The following MOK variants were observed in gnomAD, a reference collection of about 807,000 sequenced individuals.
MOK encodes MOK protein kinase.
In MOK, 59 loss-of-function variants were observed where a neutral mutation model predicts 54.2. The observed-to-expected ratio is 1.09, with a 90% confidence interval of 0.88 to 1.35. The LOEUF is 1.35. Among genes scored for constraint, MOK ranks in the 40% most tolerant of loss-of-function variants. The pLI is 0.00. For missense variants in MOK, 517 were observed against 526.2 expected (o/e 0.98, Z 0.17); for synonymous variants, 210 against 202.7 (o/e 1.04, Z -0.31).
chr14:102,273,836 G>A (rs990641680), intron 2 of MOK, among the ~76,000 whole-genome samples: 1 of 152,104 alleles, frequency 6.6e-6, no homozygotes, highest in Non-Finnish European at 1.5e-5. Context: ...TGAAATAAAT[G>A]GAGAGACGGT....
chr14:102,219,593 G>A (rs1043036087), downstream of MOK, among the ~76,000 whole-genome samples: 3 of 152,226 alleles, frequency 2.0e-5, no homozygotes, highest in Non-Finnish European at 2.9e-5. Flanking sequence ...AGAGACCACC[G>A]TTTTCCCCTT....
At chr14:102,215,202 G>A in the MOK span, among the ~76,000 whole-genome samples, 11,623 of 152,254 alleles carry the variant, frequency 0.076, 522 homozygotes, top group African/African-American at 0.11. Context: ...AATGTTCTGC[G>A]TCTCAGATAC....
rs142670145 is a variant in MOK at position 102,229,556 on chromosome 14, C to T, written c.1083G>A (p.Ser361=). 1.9e-6 allele frequency: 3 copies of T among 1,614,062 alleles called. No individual in the cohort carries two copies. Among genetic ancestry groups the T allele is most frequent in the African/African-American group, 1.3e-5 (1 of 74,930 alleles). ...ACTGCAGCGTGGGGCTGGAGTAAGACGACAGTCTGACCACTCCCGAAAGCT... is the reference window on the plus strand; with the variant it reads ...ACTGCAGCGTGGGGCTGGAGTAAGATGACAGTCTGACCACTCCCGAAAGCT... ...KLKLSGVVRL[S]SYSSPTLQSV... The change falls in exon 11 of 12, where the codon TCG becomes TCA. Residue 361 remains serine (S), a synonymous_variant. Transcript: ENST00000361847.
chr14:102,253,542 T>A (rs2066696526), intron 4 of MOK, among the ~76,000 whole-genome samples: 1 of 152,252 alleles, frequency 6.6e-6, no homozygotes, highest in South Asian at 2.1e-4. Context: ...GCAGTTCAAC[T>A]GCTTTCAGTC....
At chr14:102,274,974 C>CA (rs756843133) in intron 2 of MOK, among the ~76,000 whole-genome samples, 31,279 of 106,628 alleles carry the variant, frequency 0.29, 4,813 homozygotes, top group African/African-American at 0.52. Context: ...GACTCTGTCT[C>CA]AAAAAAAAAA....
At chr14:102,287,024 T>C (rs2070196990) in intron 1 of MOK, among the ~76,000 whole-genome samples, 1 of 152,090 alleles carries the variant, frequency 6.6e-6, no homozygotes, top group Non-Finnish European at 1.5e-5. Flanking sequence ...TTTTCTAAGT[T>C]AGATATTTTC....
At chr14:102,229,845 G>A (rs1283508085) in intron 10 of MOK, 188 bp from the exon 11 acceptor site, 4 of 601,670 alleles carry the variant, frequency 6.6e-6, no homozygotes, top group Admixed American at 3.2e-5. Flanking sequence ...GTCCCACGGG[G>A]GAGGCCAAAC....
chr14:102,275,443 G>A (rs183272610), intron 2 of MOK, among the ~76,000 whole-genome samples: 1,584 of 151,340 alleles, frequency 0.01, 29 homozygotes, highest in Admixed American at 0.036. Context: ...GGGCGCCTGC[G>A]GTCCCAGCTA....
At chr14:102,224,989 G>A (rs1237209748), downstream of MOK, 2 of 352,972 alleles carry the variant, frequency 5.7e-6, no homozygotes, top group Admixed American at 4.0e-5. Flanking sequence ...CCAAACCCAG[G>A]AGGGCCCAAA....
intron 2 of MOK, chr14:102,280,646 A>G (rs867006102): frequency 5.9e-5 from 9 of 152,314 alleles, no homozygotes; most frequent in Middle Eastern, 3.4e-3. Context: ...CATGTGTCCC[A>G]CCTTGTTAGC....
chr14:102,261,050 G>A (rs2067349866), intron 4 of MOK, among the ~76,000 whole-genome samples: 1 of 151,986 alleles, frequency 6.6e-6, no homozygotes, highest in African/African-American at 2.4e-5. Context: ...GACGTCAAGA[G>A]ATCAAGGCCA....
At chr14:102,250,070 A>C (rs543603509) in intron 7 of MOK, among the ~76,000 whole-genome samples, 6 of 152,330 alleles carry the variant, frequency 3.9e-5, no homozygotes, top group Admixed American at 1.3e-4. Flanking sequence ...ATTGCCATTC[A>C]GCTTTCCAAA....
Position 102,231,887 on chromosome 14 carries a change from CTTCT to C in MOK, c.867-70_867-67del. ...GCCCGCAGAGCACACGGCCTACTGGCTTCTTTGTCTCCAATTTGTCTACTGTGTG... is the reference window on the plus strand; with the variant it reads ...GCCCGCAGAGCACACGGCCTACTGGCTTGTCTCCAATTTGTCTACTGTGTG... On this transcript the variant is annotated intron_variant, in intron 9 of 11. Coordinates refer to ENST00000361847, the MANE Select transcript of MOK (RefSeq NM_014226.3). This position sits in a 1 kb window ranked among gnomAD's most constrained non-coding sequence, Gnocchi z 4.4. 2 of 1,331,744 alleles carry C rather than the reference CTTCT, an allele frequency of 1.5e-6. No homozygotes were observed. The highest frequency in any genetic ancestry group is 2.4e-5 in the East Asian group (1 of 42,430). 82.5% of individuals were successfully genotyped at this position (1,331,744 alleles called of 1,614,324 possible).
rs139591562 is a variant in MOK at position 102,281,116 on chromosome 14, G to C, written c.122+2362C>G. Among the ~76,000 whole-genome samples, 703 of 152,236 alleles carry C rather than the reference G, an allele frequency of 4.6e-3. 6 individuals are homozygous for C. Among genetic ancestry groups the C allele is most frequent in the African/African-American group, 0.016 (653 of 41,544 alleles). ...AGGTGGGCAGATCACTTGAGGTCAG[G>C]AGTCTGAGACCAGCCTGGCCAACAT... On this transcript the variant is annotated intron_variant, in intron 2 of 11. Coordinates refer to ENST00000361847, the MANE Select transcript of MOK (RefSeq NM_014226.3).
the MOK span, chr14:102,214,659 T>C: frequency 4.1e-6 from 4 of 984,402 alleles, no homozygotes; most frequent in Non-Finnish European, 4.8e-6. Context: ...TAAAATTGTA[T>C]GGATATTTTG....
In MOK at chr14:102,303,159, CA is replaced by C. The variant is rs567829813; in HGVS notation, c.7+1802del. Among the ~76,000 whole-genome samples the C allele has an allele frequency of 7.1e-3, 910 of 128,896 alleles. 17 individuals carry two copies. The highest frequency in any genetic ancestry group is 0.039 in the East Asian group (178 of 4,538). The allele number at this position is 128,896 out of a possible 152,430, so 84.6% of individuals were successfully genotyped here. ...CAGGGTGACACAGAGAGACCCTGTC[CA>C]AAAAAAAAAAGAGTCTAAGAGAAAA... On this transcript the variant is annotated intron_variant, in intron 1 of 11. Coordinates refer to ENST00000361847, the MANE Select transcript of MOK (RefSeq NM_014226.3).
chr14:102,226,392 C>T (rs760979733), downstream of MOK: 20 of 702,938 alleles, frequency 2.8e-5, no homozygotes, highest in South Asian at 4.4e-5. The surrounding 1 kb of genome is among the most constrained non-coding windows in gnomAD (Gnocchi z 4.8). Flanking sequence ...GCCTCATCCT[C>T]GCTTCCGTTC....
intron 1 of MOK, among the ~76,000 whole-genome samples, chr14:102,293,324 A>T (rs926604564): frequency 3.3e-5 from 5 of 152,230 alleles, no homozygotes; most frequent in Non-Finnish European, 7.3e-5. Flanking sequence ...ATTTCATGAC[A>T]TGGGAAAATG....
intron 4 of MOK, among the ~76,000 whole-genome samples, chr14:102,260,206 C>T (rs2067276010): frequency 6.7e-6 from 1 of 149,524 alleles, no homozygotes; most frequent in Non-Finnish European, 1.5e-5. Context: ...CTTAGCTGGG[C>T]ATGGTGGCGT....
Sources: allele counts gnomAD v4.1 joint callset (sites outside exome capture counted in the v4.1 genomes callset), GRCh38; gene constraint gnomAD v4.1.1; non-coding constraint Gnocchi (gnomAD v3.1); transcripts MANE v1.5; gene names NCBI Gene and HGNC (gene_info 2026-07-23, HGNC 2026-07-21).